The following CAMK1D variants were observed in gnomAD, a reference collection of about 807,000 sequenced individuals.
CAMK1D encodes the protein calcium/calmodulin dependent protein kinase ID.
In CAMK1D, 9 loss-of-function variants were observed where a neutral mutation model predicts 47.7. The ratio of observed to expected loss-of-function variants is 0.19; its 90% CI spans 0.11 to 0.33. The LOEUF (loss-of-function observed/expected upper bound fraction) is 0.33, where lower values mean the gene tolerates loss of function less well. Among genes scored for constraint, CAMK1D ranks in the 10% least tolerant of loss-of-function variants. The probability of loss-of-function intolerance (pLI) is 1.00; values close to 1 mark genes in which losing one functional copy is unlikely to be tolerated. For synonymous variants in CAMK1D, 184 were observed against 184.9 expected, an observed-to-expected ratio of 0.99 and a Z score of 0.04; for missense variants, 291 against 488.7, an observed-to-expected ratio of 0.60 and a Z score of 3.81.
At chr10:12,471,767 C>T (rs1833752891) in intron 1 of CAMK1D, among the ~76,000 whole-genome samples, 1 of 152,092 alleles carries the variant, frequency 6.6e-6, no homozygotes, top group South Asian at 2.1e-4. Flanking sequence ...TGTGGTGGCT[C>T]ATACCTGTAA....
At chr10:12,827,488 TTC>T (rs1367511755) in intron 10 of CAMK1D, among the ~76,000 whole-genome samples, 325 of 10,016 alleles carry the variant, frequency 0.032, 89 homozygotes, top group Middle Eastern at 0.14. Context: ...CTTTCTTTCT[TTC>T]TTTCTTTCTT....
At chr10:12,735,409 C>G (rs1035521535) in intron 3 of CAMK1D, among the ~76,000 whole-genome samples, 1 of 152,062 alleles carries the variant, frequency 6.6e-6, no homozygotes, top group African/African-American at 2.4e-5. Flanking sequence ...ACCCGGGAGG[C>G]GGAGCCTGCA....
intron 3 of CAMK1D, among the ~76,000 whole-genome samples, chr10:12,734,405 T>TAC (rs1227273818): frequency 4.3e-5 from 1 of 23,220 alleles, no homozygotes; most frequent in Non-Finnish European, 1.1e-4. Context: ...TATATATATA[T>TAC]ACACACACAC....
intron 3 of CAMK1D, among the ~76,000 whole-genome samples, chr10:12,743,090 C>A (rs1835503214): frequency 6.6e-6 from 1 of 152,150 alleles, no homozygotes; most frequent in Admixed American, 6.5e-5. Flanking sequence ...CGCCTGTAAT[C>A]CCAGCACTTT....
In CAMK1D at chr10:12,550,108, T is replaced by A. The variant is rs192264922; in HGVS notation, c.93-3117T>A. On this transcript the variant is annotated intron_variant, in intron 1 of 10. Coordinates refer to ENST00000619168, the MANE Select transcript of CAMK1D (RefSeq NM_153498.4). The stretch of plus-strand genomic sequence containing the variant: ...AGGAGGAGAGGGGCCTGATCGCAGT[T>A]CCCAGCCCGAGCCCTTGGCTGTGGT... 9.2e-4 allele frequency among the ~76,000 whole-genome samples: 140 copies of A among 152,206 alleles called. 5 individuals are homozygous for A. The East Asian group carries it at 0.024, about 26-fold the overall frequency.
chr10:12,462,468 ATTT>A (rs11343025), intron 1 of CAMK1D, among the ~76,000 whole-genome samples: 1,734 of 147,018 alleles, frequency 0.012, 32 homozygotes, highest in African/African-American at 0.038. Context: ...CTGGCCAAGA[ATTT>A]TTTTTTTTTT....
At chr10:12,803,191 G>A (rs540530663) in intron 6 of CAMK1D, among the ~76,000 whole-genome samples, 11 of 152,214 alleles carry the variant, frequency 7.2e-5, no homozygotes, top group African/African-American at 2.4e-4. Context: ...TGACAGCTCC[G>A]TACATGGTAG....
intron 1 of CAMK1D, among the ~76,000 whole-genome samples, chr10:12,426,438 G>T (rs182144443): frequency 6.6e-6 from 1 of 152,152 alleles, no homozygotes; most frequent in African/African-American, 2.4e-5. Context: ...TAGACACGGG[G>T]TTTCTCCATA....
chr10:12,658,543 A>G (rs1435465685), intron 2 of CAMK1D, among the ~76,000 whole-genome samples: 14 of 152,120 alleles, frequency 9.2e-5, no homozygotes, highest in Admixed American at 9.2e-4. Flanking sequence ...TTTGTGCCCA[A>G]ATGTTGCCTT....
At chr10:12,577,421 C>T (rs907364578) in intron 2 of CAMK1D, among the ~76,000 whole-genome samples, 3 of 152,174 alleles carry the variant, frequency 2.0e-5, no homozygotes, top group African/African-American at 7.2e-5. Context: ...TCGTTACAGG[C>T]CCAAAGCACT....
At chr10:12,743,535 A>AT (rs1835530863) in intron 3 of CAMK1D, among the ~76,000 whole-genome samples, 1 of 152,164 alleles carries the variant, frequency 6.6e-6, no homozygotes, top group Admixed American at 6.6e-5. Flanking sequence ...ATACCATAAA[A>AT]TTCACCCTTT....
Position 12,579,967 on chromosome 10 carries a change from C to T in CAMK1D, c.224+26611C>T, listed in dbSNP as rs113737060. On this transcript the variant is annotated intron_variant, in intron 2 of 10. Transcript: ENST00000619168. ...GTGGAATTCTTTAGAAAAGTGTCCA[C>T]TCTCAGCCAGGGTGGAATCCTTTAG... 5.1e-3 allele frequency among the ~76,000 whole-genome samples: 775 copies of T among 152,284 alleles called. 10 individuals are homozygous for T. Among genetic ancestry groups the T allele is most frequent in the African/African-American group, 0.017 (707 of 41,554 alleles).
At chr10:12,515,402 C>CT (rs772694725) in intron 1 of CAMK1D, among the ~76,000 whole-genome samples, 6,361 of 101,886 alleles carry the variant, frequency 0.062, 313 homozygotes, top group African/African-American at 0.16. Context: ...TTTTCCTTTT[C>CT]TTTTTTTTTT....
intron 1 of CAMK1D, among the ~76,000 whole-genome samples, chr10:12,441,413 T>G (rs1468283096): frequency 6.6e-6 from 1 of 151,876 alleles, no homozygotes; most frequent in Non-Finnish European, 1.5e-5. Flanking sequence ...CCCAGGCTGG[T>G]CTTGAACTCC....
At chr10:12,828,575 A>C (rs1213917563) in intron 10 of CAMK1D, among the ~76,000 whole-genome samples, 194 bp from the exon 11 acceptor site, 2 of 151,502 alleles carry the variant, frequency 1.3e-5, no homozygotes, top group African/African-American at 4.9e-5. Context: ...TGGCAGGCAG[A>C]GGTTGCAGTG....
chr10:12,733,612 A>C lies in CAMK1D; in HGVS notation c.300-27336A>C, dbSNP rs148458865. Among the ~76,000 whole-genome samples, 317 of 152,312 alleles carry C rather than the reference A, an allele frequency of 2.1e-3. 4 individuals carry two copies. Among genetic ancestry groups the C allele is most frequent in the African/African-American group, 7.4e-3 (306 of 41,560 alleles). On this transcript the variant is annotated intron_variant, in intron 3 of 10. Coordinates refer to ENST00000619168, the MANE Select transcript of CAMK1D (RefSeq NM_153498.4). ...TGTATAGCCACAGAAGAATTATATC[A>C]CCAGGTAGTGTTCTAGAAACATCAG...
chr10:12,807,871 A>C (rs906094000), intron 6 of CAMK1D, among the ~76,000 whole-genome samples: 4 of 152,070 alleles, frequency 2.6e-5, no homozygotes, highest in African/African-American at 9.7e-5. Flanking sequence ...AACCCGCCAC[A>C]TCTCTGCTGC....
Position 12,522,969 on chromosome 10 carries a change from T to C in CAMK1D, c.93-30256T>C, listed in dbSNP as rs79257203. On this transcript the variant is annotated intron_variant, in intron 1 of 10. Transcript: ENST00000619168. The stretch of plus-strand genomic sequence containing the variant: ...GGGCGGCTGGCCTGGTGGGGGCTGA[T>C]CCCCATCTCCCTCCCAGATGGGGTG... Among the ~76,000 whole-genome samples, 12 of 36,684 alleles carry C rather than the reference T, an allele frequency of 3.3e-4. 2 individuals are homozygous for C. Among genetic ancestry groups the C allele is most frequent in the Non-Finnish European group, 4.7e-4 (7 of 15,040 alleles). 24.1% of individuals were successfully genotyped at this position (36,684 alleles called of 152,430 possible).
At chr10:12,536,301 C>G (rs549584720) in intron 1 of CAMK1D, among the ~76,000 whole-genome samples, 4 of 151,162 alleles carry the variant, frequency 2.6e-5, no homozygotes, top group Non-Finnish European at 5.9e-5. Flanking sequence ...ATTTTTGAGA[C>G]GGAGGCTCAC....
Sources: gnomAD v4.1 joint callset for allele counts (sites outside exome capture counted in the v4.1 genomes callset) on GRCh38, gnomAD v4.1.1 for gene constraint, MANE v1.5 for transcripts, NCBI Gene and HGNC (gene_info 2026-07-23, HGNC 2026-07-21) for gene names.